The following THOC2 variants were observed in gnomAD, a reference collection of about 807,000 sequenced individuals.
The protein encoded by THOC2 is THO complex subunit 2, also known as THO complex 2.
Under a neutral mutation model 128.4 loss-of-function variants are expected in THOC2, and 10 were observed. The ratio of observed to expected loss-of-function variants is 0.08; its 90% CI spans 0.05 to 0.13. THOC2 has a LOEUF of 0.13. Among genes scored for constraint, THOC2 ranks in the 10% least tolerant of loss-of-function variants. THOC2 has a pLI of 1.00. For synonymous variants in THOC2, 393 were observed against 396.9 expected (o/e 0.99, Z 0.12); for missense variants, 535 against 1,155.7 (o/e 0.46, Z 7.79).
At chrX:123,676,978 A>G (rs1427129414) in intron 8 of THOC2, among the ~76,000 whole-genome samples, 1 of 111,585 alleles carries the variant, frequency 9.0e-6, no homozygotes, top group Non-Finnish European at 1.9e-5. Flanking sequence ...CAACTATATC[A>G]TGTATCACTT....
intron 3 of THOC2, among the ~76,000 whole-genome samples, chrX:123,704,994 T>C (rs1021431985): frequency 1.8e-5 from 2 of 112,517 alleles, no homozygotes; most frequent in South Asian, 7.4e-4. Flanking sequence ...GAAGGGATCA[T>C]AGTTCACTTA....
chrX:123,603,736 G>A (rs41312606), intron 38 of THOC2: 1 of 383,770 alleles, frequency 2.6e-6, no homozygotes, highest in East Asian at 4.6e-5. Context: ...GGCTTAGGGG[G>A]TCTGTCCATA....
At chrX:123,611,397 C>T in intron 37 of THOC2, 43 bp downstream of exon 37, 1 of 1,046,157 alleles carries the variant, frequency 9.6e-7, no homozygotes. Context: ...AGTATCAAAG[C>T]TTTCTACTAC....
intron 11 of THOC2, 141 bp downstream of exon 11, chrX:123,666,965 T>TAC: frequency 4.7e-6 from 2 of 429,202 alleles, no homozygotes; most frequent in Non-Finnish European, 7.8e-6. Flanking sequence ...ATCAGACTGA[T>TAC]ACACTCTGTG....
intron 38 of THOC2, among the ~76,000 whole-genome samples, chrX:123,608,954 G>T (rs2046590446): frequency 8.9e-6 from 1 of 112,196 alleles, no homozygotes; most frequent in African/African-American, 3.2e-5. Flanking sequence ...TTGTTCCTAA[G>T]AGATTACACA....
chrX:123,664,678 C>T (rs1382206597), intron 12 of THOC2, among the ~76,000 whole-genome samples: 4 of 111,393 alleles, frequency 3.6e-5, no homozygotes, highest in Non-Finnish European at 5.6e-5. Flanking sequence ...GTTAGAATGG[C>T]GATCATTAAA....
intron 22 of THOC2, among the ~76,000 whole-genome samples, chrX:123,629,747 GT>G (rs1186963278): frequency 2.7e-5 from 3 of 111,459 alleles, no homozygotes; most frequent in Non-Finnish European, 5.6e-5. Flanking sequence ...AACAGAGAGT[GT>G]TTTTTAATTT....
At position 123,621,264 on chromosome X, in the gene THOC2, G is replaced by A. The variant is rs748514295; in HGVS notation, c.4109C>T (p.Ala1370Val). 2.5e-6 allele frequency: 3 copies of A among 1,211,030 alleles called. No homozygotes were observed. The highest frequency in any genetic ancestry group is 2.2e-5 in the Admixed American group (1 of 45,988). ...EKEPSRERDI[A>V]KEMKSKENVK... ...ATTTTCCTTTGATTTCATTTCCTTT[G>A]CTATATCTCTTTCTCTGGATGGCTC... is the stretch of plus-strand genomic sequence containing the variant. The change falls in exon 31 of 39, where the codon GCA becomes GTA. Residue 1370 changes from alanine to valine, a missense_variant. Physicochemically the swap from Ala to Val is moderately conservative, Grantham distance 64 (BLOSUM62 0). This residue lies in a region of THOC2 where 116 missense variants were observed against 180.0 expected (regional missense o/e 0.64). Coordinates refer to ENST00000245838, the MANE Select transcript of THOC2 (RefSeq NM_001081550.2).
chrX:123,665,912 T>C, intron 11 of THOC2, 75 bp from the exon 12 acceptor site: 3 of 543,305 alleles, frequency 5.5e-6, no homozygotes, highest in Non-Finnish European at 7.7e-6. Flanking sequence ...ACACACACAC[T>C]ACAATATCTA....
At chrX:123,723,686 A>G (rs942547467) in intron 1 of THOC2, among the ~76,000 whole-genome samples, 1 of 112,174 alleles carries the variant, frequency 8.9e-6, no homozygotes, top group Admixed American at 9.5e-5. Flanking sequence ...GAACAAAAGC[A>G]GCCAGAAACA....
At chrX:123,667,002 T>C (rs2049074389) in intron 11 of THOC2, 104 bp downstream of exon 11, 2 of 541,056 alleles carry the variant, frequency 3.7e-6, no homozygotes, top group African/African-American at 4.7e-5. Flanking sequence ...TGATAAAAGG[T>C]ACTAAAATAT....
At chrX:123,637,860 A>G (rs1398605217) in intron 18 of THOC2, among the ~76,000 whole-genome samples, 183 bp downstream of exon 18, 2 of 112,320 alleles carry the variant, frequency 1.8e-5, no homozygotes, top group African/African-American at 6.5e-5. Context: ...AGGAAAATAA[A>G]TAAGTACCAT....
intron 8 of THOC2, among the ~76,000 whole-genome samples, chrX:123,676,160 T>C (rs1430124071): frequency 8.9e-6 from 1 of 112,624 alleles, no homozygotes; most frequent in Non-Finnish European, 1.9e-5. Flanking sequence ...TCGGTCTCAC[T>C]ACTGCTTGTC....
chrX:123,688,528 T>A (rs1172908684), intron 7 of THOC2, among the ~76,000 whole-genome samples: 1 of 110,855 alleles, frequency 9.0e-6, no homozygotes, highest in African/African-American at 3.3e-5. Flanking sequence ...TCCAGATGTT[T>A]GAGACCAGCC....
At chrX:123,622,999 A>G (rs2047141209) in intron 29 of THOC2, 106 bp downstream of exon 29, 1 of 882,543 alleles carries the variant, frequency 1.1e-6, no homozygotes, top group African/African-American at 2.0e-5. Flanking sequence ...CTATCTAGGG[A>G]ATAAAAAGTA....
chrX:123,603,440 A>G (rs917245720), intron 38 of THOC2: 47 of 401,794 alleles, frequency 1.2e-4, no homozygotes, highest in Non-Finnish European at 1.8e-4. Context: ...AGAAGAATGA[A>G]CTAAAACTCA....
chrX:123,630,612 CAAAAAAAAAAAAAAAA>C (rs57639724), intron 22 of THOC2, among the ~76,000 whole-genome samples: 1 of 16,074 alleles, frequency 6.2e-5, no homozygotes, highest in Non-Finnish European at 1.4e-4. Context: ...GACTCCATCT[CAAAAAAAAAAAAAAAA>C]AAAAAAAAAA....
Position 123,667,147 on chromosome X carries a change from A to G in THOC2, c.1149T>C (p.Ile383=), listed in dbSNP as rs769822928. 4 of 1,202,567 alleles carry G rather than the reference A, an allele frequency of 3.3e-6. No homozygotes were observed. The Admixed American group carries it at 9.0e-5, about 27-fold the overall frequency. Residue 383 remains isoleucine (I), a synonymous_variant, in exon 11 of 39, where the codon ATT becomes ATC. Coordinates refer to ENST00000245838, the MANE Select transcript of THOC2 (RefSeq NM_001081550.2). ...AASHKLIALA[I]CKLIHITIEP... is the part of the protein sequence containing the mutation. Reference sequence around the variant, plus strand: ...CAATAGTTATATGAATGAGCTTGCAAATAGCAAGGGCTATTAGCTTGTGTG... The same window carrying G: ...CAATAGTTATATGAATGAGCTTGCAGATAGCAAGGGCTATTAGCTTGTGTG...
intron 1 of THOC2, among the ~76,000 whole-genome samples, chrX:123,730,332 C>G (rs1436298947): frequency 9.0e-6 from 1 of 111,412 alleles, no homozygotes; most frequent in Non-Finnish European, 1.9e-5. Context: ...GCATGTGCCA[C>G]CACGCTCGGC....
Sources: gnomAD v4.1 joint callset for allele counts (sites outside exome capture counted in the v4.1 genomes callset) on GRCh38, gnomAD v4.1.1 for gene constraint, gnomAD v4.1.1 regional missense constraint, MANE v1.5 for transcripts, NCBI Gene and HGNC (gene_info 2026-07-23, HGNC 2026-07-21) for gene names.